Variants in SAMD14 observed in about 807,000 individuals in gnomAD.
SAMD14 encodes sterile alpha motif domain-containing protein 14.
SAMD14 carries 27 observed loss-of-function variants against 46.2 expected under a neutral mutation model. The ratio of observed to expected loss-of-function variants is 0.58; its 90% CI spans 0.43 to 0.81. The LOEUF is 0.81. Ranked by LOEUF, SAMD14 falls within the 30% of genes least tolerant of loss-of-function variation. The pLI, the probability that SAMD14 is intolerant of heterozygous loss-of-function variation, is 0.00. For synonymous variants in SAMD14, 241 were observed against 254.3 expected (o/e 0.95, Z 0.50); for missense variants, 559 against 582.2 (o/e 0.96, Z 0.41).
intron 1 of SAMD14, among the ~76,000 whole-genome samples, chr17:50,128,482 T>TCA (rs34869142): frequency 0.13 from 17,548 of 135,738 alleles, 1,124 homozygotes; most frequent in African/African-American, 0.17. Context: ...GCACACTCTC[T>TCA]CACACACACA....
At position 50,113,044 on chromosome 17, in the gene SAMD14, A is replaced by G. The variant is rs773487235; in HGVS notation, c.1103T>C (p.Leu368Pro). 1 of 1,611,774 alleles carries G rather than the reference A, an allele frequency of 6.2e-7. No homozygotes were observed. The highest frequency in any genetic ancestry group is 1.7e-5 in the Admixed American group (1 of 60,006). Residue 368 changes from leucine (L) to proline (P), a missense_variant, in exon 10 of 10, where the codon CTG becomes CCG. Coordinates refer to ENST00000330175, the MANE Select transcript of SAMD14 (RefSeq NM_001257359.2). ...CCGGTCATGAGAGTTGCTGAGCCCC[A>G]GGCTCTGGGGAGGAGTCCGGGGTGA... ...LQLDGSKLKS[L>P]GLSNSHDRAL...
rs899487233 is a variant in SAMD14, at chr17:50,110,351, G to A, written c.*2542C>T. On this transcript the variant is annotated 3_prime_UTR_variant, in exon 10 of 10. Coordinates refer to ENST00000330175, the MANE Select transcript of SAMD14 (RefSeq NM_001257359.2). ...GGGTTAGGGATGTCTCCACCCTGAT[G>A]GGGTGTCCCAGAGACATTTTCCCAT... 2.7e-6 allele frequency: 1 copy of A among 364,246 alleles called. No homozygotes were observed. The highest frequency in any genetic ancestry group is 4.3e-5 in the East Asian group (1 of 23,258). 22.6% of individuals were successfully genotyped at this position (364,246 alleles called of 1,614,324 possible).
intron 2 of SAMD14, among the ~76,000 whole-genome samples, chr17:50,120,153 C>T (rs1345634683): frequency 2.0e-5 from 3 of 152,148 alleles, no homozygotes; most frequent in Admixed American, 2.0e-4. Flanking sequence ...ATTGTTGAGG[C>T]TGGGTAATGA....
At position 50,115,699 on chromosome 17, in the gene SAMD14, C is replaced by T; in HGVS notation, c.687G>A (p.Arg229=). 6.2e-7 allele frequency: 1 copy of T among 1,605,048 alleles called. No homozygotes were observed. The highest frequency in any genetic ancestry group is 8.5e-7 in the Non-Finnish European group (1 of 1,173,996). Residue 229 remains arginine, a synonymous_variant, in exon 7 of 10, where the codon AGG becomes AGA. Coordinates refer to ENST00000330175, the MANE Select transcript of SAMD14 (RefSeq NM_001257359.2). This position sits in a 1 kb window ranked among gnomAD's most constrained non-coding sequence, Gnocchi z 5.3. ...GSRESVEGSG[R]SGGSPFLPFS... ...AAGGCAGGAACGGGGAGCCCCCTGACCTGCCGGACCCCTCCACTGACTCCC... is the reference window on the plus strand; with the variant it reads ...AAGGCAGGAACGGGGAGCCCCCTGATCTGCCGGACCCCTCCACTGACTCCC...
At chr17:50,126,594 C>G (rs995602503) in intron 1 of SAMD14, among the ~76,000 whole-genome samples, 1 of 152,034 alleles carries the variant, frequency 6.6e-6, no homozygotes, top group Non-Finnish European at 1.5e-5. Context: ...CGTGAGCCAC[C>G]GCGCCTGGCC....
At chr17:50,125,018 G>C in intron 1 of SAMD14, 47 bp from the exon 2 acceptor site, 1 of 1,568,568 alleles carries the variant, frequency 6.4e-7, no homozygotes, top group East Asian at 2.2e-5. Flanking sequence ...GCCTGGGTTA[G>C]AGATTCAGGC....
At chr17:50,126,572 T>C (rs1376463448) in intron 1 of SAMD14, among the ~76,000 whole-genome samples, 1 of 152,044 alleles carries the variant, frequency 6.6e-6, no homozygotes, top group African/African-American at 2.4e-5. Context: ...CCCAAAGTGT[T>C]GGGATTACAG....
At position 50,129,114 on chromosome 17, in the gene SAMD14, C is replaced by T. The variant is rs2144424956; in HGVS notation, c.-13+403G>A. Among the ~76,000 whole-genome samples, 1 of 152,244 alleles carries T rather than the reference C, an allele frequency of 6.6e-6. No homozygotes were observed. Among genetic ancestry groups the T allele is most frequent in the East Asian group, 1.9e-4 (1 of 5,174 alleles). Reference sequence around the variant, plus strand: ...GGTAGTCCTCAGGAGTCGGGCACCCCCTCAAAGCACTGTTGGAGATGGGGT... The same window carrying T: ...GGTAGTCCTCAGGAGTCGGGCACCCTCTCAAAGCACTGTTGGAGATGGGGT... On this transcript the variant is annotated intron_variant, in intron 1 of 9. Transcript: ENST00000330175. This position sits in a 1 kb window ranked among gnomAD's most constrained non-coding sequence, Gnocchi z 5.6.
intron 2 of SAMD14, among the ~76,000 whole-genome samples, chr17:50,118,581 C>T (rs1041327726): frequency 3.3e-5 from 5 of 152,182 alleles, no homozygotes; most frequent in Non-Finnish European, 7.3e-5. Flanking sequence ...CACGGAGGAA[C>T]GGCAGCCCTG....
Position 50,113,178 on chromosome 17 carries a change from C to G in SAMD14, c.1099-130G>C. On this transcript the variant is annotated intron_variant, in intron 9 of 9. Coordinates refer to ENST00000330175, the MANE Select transcript of SAMD14 (RefSeq NM_001257359.2). ...ATCCTCCCTGGAGTGGAGCCTCCGCCTCCCACACCGTGACCTGCCCATGGA... is the reference window on the plus strand; with the variant it reads ...ATCCTCCCTGGAGTGGAGCCTCCGCGTCCCACACCGTGACCTGCCCATGGA... The G allele has an allele frequency of 2.9e-6, 3 of 1,047,390 alleles. No homozygotes were observed. In the South Asian group the frequency reaches 5.0e-5, roughly 17 times the overall value. 64.9% of individuals were successfully genotyped at this position (1,047,390 alleles called of 1,614,324 possible). A position where few individuals can be genotyped will look rare whatever the true frequency, so the allele number is the denominator to read the frequency against.
intron 1 of SAMD14, chr17:50,125,234 G>A: frequency 2.2e-6 from 1 of 458,274 alleles, no homozygotes; most frequent in Non-Finnish European, 4.0e-6. Context: ...TGTGGTCCTG[G>A]TATCCTGGTC....
chr17:50,125,659 C>T (rs1212378962), intron 1 of SAMD14, among the ~76,000 whole-genome samples: 1 of 152,116 alleles, frequency 6.6e-6, no homozygotes, highest in African/African-American at 2.4e-5. Flanking sequence ...AATTCTCCAT[C>T]TCTTTTCCAA....
Position 50,111,024 on chromosome 17 carries a change from C to T in SAMD14, c.*1869G>A, listed in dbSNP as rs567987191. ...CCAGTGGCTGTGGCAGTGACAGTGA[C>T]ACCCACACCCACAGTAAAGAGGAGA... On this transcript the variant is annotated 3_prime_UTR_variant, in exon 10 of 10. Coordinates refer to ENST00000330175, the MANE Select transcript of SAMD14 (RefSeq NM_001257359.2). 3.3e-5 allele frequency: 5 copies of T among 152,378 alleles called. No individual in the cohort carries two copies. The South Asian group carries it at 1.0e-3, about 32-fold the overall frequency. The allele number at this position is 152,378 out of a possible 1,614,324, so 9.4% of individuals were successfully genotyped here.
chr17:50,110,106 G>T lies in SAMD14; in HGVS notation c.*2787C>A. The stretch of plus-strand genomic sequence containing the variant: ...CGTACCGCGTCAGCTAAGGGCCGCC[G>T]TGCATCTGCACCTGAGAGGACGGAC... On this transcript the variant is annotated 3_prime_UTR_variant, in exon 10 of 10. Transcript: ENST00000330175. 1 of 1,591,478 alleles carries T rather than the reference G, an allele frequency of 6.3e-7. No homozygotes were observed. Among genetic ancestry groups the T allele is most frequent in the Middle Eastern group, 1.8e-4 (1 of 5,572 alleles).
intron 9 of SAMD14, chr17:50,113,342 G>C (rs1910974670): frequency 2.6e-6 from 1 of 379,644 alleles, no homozygotes; most frequent in Admixed American, 4.3e-5. Context: ...CCAACCTCCT[G>C]AGGCCCAGAG....
intron 4 of SAMD14, among the ~76,000 whole-genome samples, chr17:50,116,572 A>AT (rs1463525011): frequency 1.3e-5 from 2 of 151,286 alleles, no homozygotes; most frequent in African/African-American, 4.9e-5. Flanking sequence ...CACCCGGCTA[A>AT]TTTTTTGTGT....
chr17:50,125,904 G>C (rs1911744395), intron 1 of SAMD14, among the ~76,000 whole-genome samples: 1 of 152,196 alleles, frequency 6.6e-6, no homozygotes, highest in African/African-American at 2.4e-5. Context: ...GAATGGGTAG[G>C]GTTTTTTTTG....
chr17:50,124,202 G>T (rs1405382863), intron 2 of SAMD14: 2 of 456,170 alleles, frequency 4.4e-6, no homozygotes, highest in East Asian at 6.9e-5. Flanking sequence ...CCCAGCTGGG[G>T]TGGTTTCTTT....
At chr17:50,126,047 G>C (rs967750838) in intron 1 of SAMD14, among the ~76,000 whole-genome samples, 2 of 152,164 alleles carry the variant, frequency 1.3e-5, no homozygotes, top group Admixed American at 1.3e-4. Flanking sequence ...CCACTGGCCA[G>C]GGGATACTGG....
Sources: allele counts gnomAD v4.1 joint callset (sites outside exome capture counted in the v4.1 genomes callset), GRCh38; gene constraint gnomAD v4.1.1; non-coding constraint Gnocchi (gnomAD v3.1); transcripts MANE v1.5; gene names NCBI Gene and HGNC (gene_info 2026-07-23, HGNC 2026-07-21).